CLEC17A: variants seen among roughly 807,000 people sequenced by gnomAD.
CLEC17A encodes the protein C-type lectin domain containing 17A, also known as C-type lectin domain family 17, member A.
Under a neutral mutation model 61.3 loss-of-function variants are expected in CLEC17A, and 37 were observed. The ratio of observed to expected loss-of-function variants is 0.60; its 90% CI spans 0.46 to 0.79. CLEC17A has a LOEUF of 0.79. CLEC17A is among the 30% of genes least tolerant of loss of function. The probability of loss-of-function intolerance (pLI) is 0.00; values close to 1 mark genes in which losing one functional copy is unlikely to be tolerated. For missense variants in CLEC17A, 418 were observed against 464.7 expected (o/e 0.90, Z 0.92); for synonymous variants, 168 against 164.9 (o/e 1.02, Z -0.14).
chr19:14,594,425 C>G, intron 4 of CLEC17A, 92 bp from the exon 5 acceptor site: 1 of 1,477,180 alleles, frequency 6.8e-7, no homozygotes, highest in Non-Finnish European at 9.2e-7. Flanking sequence ...AATCTCCAAT[C>G]CTCCACTGCA....
At chr19:14,609,155 C>T (rs1235744112) in intron 13 of CLEC17A, among the ~76,000 whole-genome samples, 2 of 152,142 alleles carry the variant, frequency 1.3e-5, no homozygotes, top group African/African-American at 4.8e-5. Context: ...CTATTCTCAG[C>T]TGAATGGGAG....
At chr19:14,594,867 C>T (rs1372019725) in intron 7 of CLEC17A, 67 bp downstream of exon 7, 4 of 1,411,662 alleles carry the variant, frequency 2.8e-6, no homozygotes, top group East Asian at 4.8e-5. Context: ...TTCAATCCCC[C>T]AATTTTTATT....
chr19:14,583,558 G>A, intron 2 of CLEC17A, 124 bp downstream of exon 2: 1 of 1,531,256 alleles, frequency 6.5e-7, no homozygotes. Context: ...CGGGCACTGT[G>A]GAACCCACAC....
rs1027182972 is a variant in CLEC17A at position 14,592,572 on chromosome 19, G to A, written c.277+214G>A. Among the ~76,000 whole-genome samples the A allele has an allele frequency of 2.0e-5, 3 of 152,182 alleles. No individual in the cohort carries two copies. The South Asian group carries it at 6.2e-4, about 31-fold the overall frequency. ...TGGTGAGCAGGGTTGAGAGAGGAAG[G>A]GTCAGGAGATTGGCAAAATCCTTGG... On this transcript the variant is annotated intron_variant, in intron 4 of 13. Transcript: ENST00000417570.
rs1461340763 is a variant in CLEC17A, at chr19:14,592,325, A to G, written c.244A>G (p.Thr82Ala). The G allele has an allele frequency of 4.4e-6, 7 of 1,603,332 alleles. No individual in the cohort carries two copies. Among genetic ancestry groups the G allele is most frequent in the South Asian group, 1.1e-5 (1 of 89,458 alleles). Reference protein sequence around the residue: ...EEEDDDYENSTPPYKDLPPKP... With the variant: ...EEEDDDYENSAPPYKDLPPKP... ...GGAGGATGATGACTATGAGAACTCA[A>G]CACCTCCCTACAAGGACCTTCCTCC... Residue 82 changes from threonine to alanine, a missense_variant, in exon 4 of 14, where the codon ACA becomes GCA. Physicochemically the swap from Thr to Ala is moderately conservative, Grantham distance 58 (BLOSUM62 0). Coordinates refer to ENST00000417570, the MANE Select transcript of CLEC17A (RefSeq NM_001204118.2).
chr19:14,588,938 C>T (rs895859800), intron 3 of CLEC17A, among the ~76,000 whole-genome samples: 4 of 151,630 alleles, frequency 2.6e-5, no homozygotes, highest in Admixed American at 2.6e-4. Context: ...TTTCACTGCC[C>T]CATTTCCAAT....
intron 12 of CLEC17A, among the ~76,000 whole-genome samples, chr19:14,603,436 A>G (rs1232264888): frequency 2.6e-5 from 4 of 152,140 alleles, no homozygotes; most frequent in Non-Finnish European, 4.4e-5. Context: ...TAAGGATCCA[A>G]TGAGACAATC....
At chr19:14,592,190 C>A (rs1427830727) in intron 3 of CLEC17A, 91 bp from the exon 4 acceptor site, 49 of 1,370,840 alleles carry the variant, frequency 3.6e-5, no homozygotes, top group Non-Finnish European at 4.5e-5. Context: ...GTACAGAATC[C>A]CCATCATGGG....
chr19:14,597,282 G>A (rs572748083), intron 10 of CLEC17A, 121 bp downstream of exon 10: 2 of 847,496 alleles, frequency 2.4e-6, no homozygotes, highest in South Asian at 3.1e-5. Flanking sequence ...GGTACCAGGG[G>A]GTTAAAATGG....
Position 14,597,103 on chromosome 19 carries a change from G to A in CLEC17A, c.588G>A (p.Gln196=). 3.1e-6 allele frequency: 5 copies of A among 1,613,258 alleles called. No individual in the cohort carries two copies. Among genetic ancestry groups the A allele is most frequent in the Non-Finnish European group, 4.2e-6 (5 of 1,179,628 alleles). The change falls in exon 10 of 14, where the codon CAG becomes CAA. Residue 196 remains glutamine, a synonymous_variant. Transcript: ENST00000417570. ...LGLTVTLIKY[Q]ELMEELRMLS... ...AATTTGGACTCTTCTTCATAGACCA[G>A]GAGTTGATGGAAGAACTGAGAATGT...
At chr19:14,606,903 C>A in intron 12 of CLEC17A, 90 bp from the exon 13 acceptor site, 1 of 535,124 alleles carries the variant, frequency 1.9e-6, no homozygotes, top group Non-Finnish European at 2.8e-6. Flanking sequence ...CGTTCCCAAG[C>A]CCTAAATATG....
chr19:14,583,733 A>G (rs562705431), intron 2 of CLEC17A, among the ~76,000 whole-genome samples: 27 of 152,242 alleles, frequency 1.8e-4, no homozygotes, highest in Middle Eastern at 3.4e-3. Flanking sequence ...ATGAGTAGAC[A>G]TATCTTAAGA....
upstream of CLEC17A, among the ~76,000 whole-genome samples, chr19:14,582,930 C>A (rs539752039): frequency 1.3e-5 from 2 of 151,702 alleles, no homozygotes; most frequent in East Asian, 3.9e-4. Context: ...TCCTTCTGTG[C>A]GTGAATCCAA....
chr19:14,586,285 C>T lies in CLEC17A; in HGVS notation c.122-1329C>T, dbSNP rs540854848. The stretch of plus-strand genomic sequence containing the variant: ...GATTACAGGCATGTGCCACTGTGCC[C>T]GGCTAATTTTGTATTTTTAGAAAAG... On this transcript the variant is annotated intron_variant, in intron 2 of 13. Transcript: ENST00000417570. Among the ~76,000 whole-genome samples the T allele has an allele frequency of 1.4e-4, 22 of 152,052 alleles. 1 individual carries two copies. Among genetic ancestry groups the T allele is most frequent in the African/African-American group, 4.3e-4 (18 of 41,450 alleles).
chr19:14,597,202 G>T, intron 10 of CLEC17A, 41 bp downstream of exon 10: 1 of 1,554,818 alleles, frequency 6.4e-7, no homozygotes, highest in South Asian at 1.2e-5. Flanking sequence ...CTCCTATTGA[G>T]CCCTAACCCA....
At chr19:14,583,528 C>A (rs1295344429) in intron 2 of CLEC17A, 94 bp downstream of exon 2, 1 of 1,571,012 alleles carries the variant, frequency 6.4e-7, no homozygotes, top group Admixed American at 1.9e-5. Flanking sequence ...TAGTCAGTCT[C>A]CTCTGTATCC....
upstream of CLEC17A, among the ~76,000 whole-genome samples, chr19:14,581,316 A>G (rs1473794758): frequency 6.6e-6 from 1 of 152,138 alleles, no homozygotes; most frequent in Non-Finnish European, 1.5e-5. Context: ...CACAGAAATA[A>G]TAATTATTAT....
chr19:14,599,812 G>T lies in CLEC17A; in HGVS notation c.742G>T (p.Asp248Tyr). ...CCTGGTGGAACTTTGGGGCTTATTA[G>T]GTAAGTGAGACTTGGGGAATTGCCC... ...QSLVELWGLL[D>Y]CRRITCPEGW... Residue 248 changes from aspartate (D) to tyrosine (Y), a missense_variant and splice_region_variant, in exon 11 of 14, where the codon GAC (aspartate) becomes TAC (tyrosine). Physicochemically the swap from Asp to Tyr is radical, Grantham distance 160 (BLOSUM62 -3). Coordinates refer to ENST00000417570, the MANE Select transcript of CLEC17A (RefSeq NM_001204118.2). 2 of 1,612,326 alleles carry T rather than the reference G, an allele frequency of 1.2e-6. No homozygotes were observed. The highest frequency in any genetic ancestry group is 1.7e-6 in the Non-Finnish European group (2 of 1,178,734).
chr19:14,585,599 C>G (rs1568444723), intron 2 of CLEC17A, among the ~76,000 whole-genome samples: 1 of 149,994 alleles, frequency 6.7e-6, no homozygotes, highest in Admixed American at 6.8e-5. Context: ...TTTGCCTCTG[C>G]CATGTTGTGA....
Sources: allele counts gnomAD v4.1 joint callset (sites outside exome capture counted in the v4.1 genomes callset), GRCh38; gene constraint gnomAD v4.1.1; transcripts MANE v1.5; gene names NCBI Gene and HGNC (gene_info 2026-07-23, HGNC 2026-07-21).